OR51B5: variants seen among roughly 807,000 people sequenced by gnomAD.
OR51B5 encodes olfactory receptor 51B5.
For synonymous variants in OR51B5, 186 were observed against 144.8 expected (o/e 1.28, Z -2.04); for missense variants, 456 against 374.6 (o/e 1.22, Z -1.79).
At chr11:5,411,314 A>G (rs892033291) in intron 1 of OR51B5, among the ~76,000 whole-genome samples, 2 of 152,202 alleles carry the variant, frequency 1.3e-5, no homozygotes, top group African/African-American at 2.4e-5. Context: ...GTAGAGCAAC[A>G]TGTACATGTT....
At chr11:5,370,884 G>T (rs1849437751) in intron 1 of OR51B5, among the ~76,000 whole-genome samples, 1 of 152,316 alleles carries the variant, frequency 6.6e-6, no homozygotes, top group East Asian at 1.9e-4. Flanking sequence ...TTTCAGCTGT[G>T]ACCTGAGAGT....
intron 1 of OR51B5, among the ~76,000 whole-genome samples, chr11:5,447,015 TA>T (rs1170454711): frequency 6.6e-6 from 1 of 152,184 alleles, no homozygotes; most frequent in Non-Finnish European, 1.5e-5. Context: ...CCTAGAACTC[TA>T]AAACATCAAT....
chr11:5,391,341 C>G (rs549046274), intron 1 of OR51B5: 4 of 152,228 alleles, frequency 2.6e-5, no homozygotes, highest in Non-Finnish European at 5.9e-5. Flanking sequence ...CGGTTTCCTT[C>G]CACAGTGCCC....
At chr11:5,349,052 G>A (rs1406992328) in intron 1 of OR51B5, among the ~76,000 whole-genome samples, 11 of 152,122 alleles carry the variant, frequency 7.2e-5, no homozygotes, top group Non-Finnish European at 2.9e-5. Flanking sequence ...CAGAGTTTGA[G>A]ACTTTGAGAA....
intron 1 of OR51B5, among the ~76,000 whole-genome samples, chr11:5,372,037 T>C (rs1189725990): frequency 2.6e-5 from 4 of 152,174 alleles, no homozygotes; most frequent in African/African-American, 9.7e-5. Context: ...TAGCAAAATG[T>C]ACTCTAGGTT....
intron 1 of OR51B5, among the ~76,000 whole-genome samples, chr11:5,465,256 C>T (rs1157777163): frequency 3.4e-5 from 5 of 148,404 alleles, no homozygotes; most frequent in Admixed American, 6.7e-5. Context: ...CACATCCTCT[C>T]CAGCACCTGT....
chr11:5,435,027 T>C (rs1451050975), intron 1 of OR51B5, among the ~76,000 whole-genome samples: 1 of 151,908 alleles, frequency 6.6e-6, no homozygotes, highest in Admixed American at 6.6e-5. Flanking sequence ...AAACTGGAGG[T>C]CAGGTGGTGG....
At chr11:5,487,867 G>C (rs1274990067) in intron 1 of OR51B5, among the ~76,000 whole-genome samples, 1 of 152,032 alleles carries the variant, frequency 6.6e-6, no homozygotes, top group Non-Finnish European at 1.5e-5. Context: ...CTTCCTTCTG[G>C]TATACCCATG....
At chr11:5,415,059 A>G (rs61894083) in intron 1 of OR51B5, among the ~76,000 whole-genome samples, 6,147 of 152,086 alleles carry the variant, frequency 0.04, 523 homozygotes, top group East Asian at 0.4. Flanking sequence ...AAAGAACAGA[A>G]ATTATAACAA....
At chr11:5,446,357 T>A (rs1850764008) in intron 1 of OR51B5, among the ~76,000 whole-genome samples, 1 of 152,114 alleles carries the variant, frequency 6.6e-6, no homozygotes, top group African/African-American at 2.4e-5. Context: ...ATTTAGGTCA[T>A]AAGTATACTG....
At chr11:5,413,779 T>G (rs931219789) in intron 1 of OR51B5, among the ~76,000 whole-genome samples, 1 of 151,804 alleles carries the variant, frequency 6.6e-6, no homozygotes, top group Non-Finnish European at 1.5e-5. Flanking sequence ...AATATGGGAC[T>G]ATGTGAAAAG....
At chr11:5,499,016 G>C (rs1461067509) in intron 1 of OR51B5, among the ~76,000 whole-genome samples, 3 of 152,214 alleles carry the variant, frequency 2.0e-5, no homozygotes, top group Non-Finnish European at 4.4e-5. Flanking sequence ...TCCGACATGG[G>C]ACACATTTGA....
At chr11:5,352,509 G>A in intron 1 of OR51B5, 1 of 1,011,144 alleles carries the variant, frequency 9.9e-7, no homozygotes, top group Non-Finnish European at 1.5e-6. Flanking sequence ...AATGTTGCCA[G>A]CATAAGTAAC....
chr11:5,400,285 C>A (rs1191952068), intron 1 of OR51B5, among the ~76,000 whole-genome samples: 3 of 151,936 alleles, frequency 2.0e-5, no homozygotes, highest in African/African-American at 7.3e-5. Flanking sequence ...TTTAGTCAGG[C>A]AATTAATTTT....
intron 1 of OR51B5, among the ~76,000 whole-genome samples, chr11:5,465,568 C>T (rs1172752399): frequency 6.7e-6 from 1 of 148,914 alleles, no homozygotes; most frequent in Non-Finnish European, 1.5e-5. Flanking sequence ...TACTACAAGG[C>T]TACAGTAACC....
intron 1 of OR51B5, among the ~76,000 whole-genome samples, chr11:5,407,712 G>T: frequency 6.6e-6 from 1 of 150,442 alleles, no homozygotes; most frequent in African/African-American, 2.5e-5. Context: ...GTTTATTCTG[G>T]AGTTATAAAC....
intron 1 of OR51B5, chr11:5,489,004 T>G (rs1851536520): frequency 6.2e-7 from 1 of 1,614,130 alleles, no homozygotes; most frequent in East Asian, 2.2e-5. Flanking sequence ...CTTTGGTGGA[T>G]GCCTGGCCCA....
intron 1 of OR51B5, chr11:5,403,215 T>C (rs1037014530): frequency 2.8e-5 from 13 of 471,264 alleles, no homozygotes; most frequent in Admixed American, 9.4e-5. Context: ...CATTGTTACC[T>C]CTACTTTTGG....
At chr11:5,479,115 G>A (rs1055948166) in intron 1 of OR51B5, among the ~76,000 whole-genome samples, 2 of 149,772 alleles carry the variant, frequency 1.3e-5, no homozygotes, top group African/African-American at 2.5e-5. Context: ...CAGAGAGAAA[G>A]GTCGGGTTAC....
Sources: allele counts gnomAD v4.1 joint callset (sites outside exome capture counted in the v4.1 genomes callset), GRCh38; gene constraint gnomAD v4.1.1; transcripts MANE v1.5; gene names NCBI Gene and HGNC (gene_info 2026-07-23, HGNC 2026-07-21).